HSD11B2: variants seen among roughly 807,000 people sequenced by gnomAD.
HSD11B2 encodes the protein hydroxysteroid 11-beta dehydrogenase 2.
In HSD11B2, 17 loss-of-function variants were observed where a neutral mutation model predicts 20.9. The ratio of observed to expected loss-of-function variants is 0.81; its 90% CI spans 0.56 to 1.22. The LOEUF is 1.22. Among genes scored for constraint, HSD11B2 ranks in the 50% most tolerant of loss-of-function variants. The pLI, the probability that HSD11B2 is intolerant of heterozygous loss-of-function variation, is 0.00. For synonymous variants in HSD11B2, 253 were observed against 255.4 expected (o/e 0.99, Z 0.09); for missense variants, 480 against 563.6 (o/e 0.85, Z 1.50).
intron 1 of HSD11B2, among the ~76,000 whole-genome samples, chr16:67,434,630 C>G (rs1443795623): frequency 1.3e-5 from 2 of 152,144 alleles, no homozygotes; most frequent in African/African-American, 4.8e-5. Context: ...TATCTTCAAT[C>G]CCAGCACTTT....
Position 67,436,040 on chromosome 16 carries a change from T to G in HSD11B2, c.562T>G (p.Cys188Gly), listed in dbSNP as rs774383256. ...GTCTCCAGTGGCCACTTTCCGTAGC[T>G]GCATGGAGGTGAATTTCTTTGGCGC... ...ELSPVATFRS[C>G]MEVNFFGALE... Residue 188 changes from cysteine to glycine, a missense_variant, in exon 3 of 5, where the codon TGC becomes GGC. Cys to Gly is a radical substitution (Grantham distance 159). This residue lies in a region of HSD11B2 where 374 missense variants were observed against 480.9 expected (regional missense o/e 0.78). Coordinates refer to ENST00000326152, the MANE Select transcript of HSD11B2 (RefSeq NM_000196.4). The surrounding 1 kb of genome is among the most constrained non-coding windows in gnomAD (Gnocchi z 5.7). 1 of 1,614,230 alleles carries G rather than the reference T, an allele frequency of 6.2e-7. No homozygotes were observed. Among genetic ancestry groups the G allele is most frequent in the Non-Finnish European group, 8.5e-7 (1 of 1,180,040 alleles).
Position 67,436,158 on chromosome 16 carries a change from C to CA in HSD11B2, c.664+17dup, listed in dbSNP as rs1567530511. ...AGCCCAGCGGGTGAGTGCCCCCCCC[C>CA]ACTGGAGCAAAAAGGAGCCCCCTGG... On this transcript the variant is annotated intron_variant, in intron 3 of 4. Transcript: ENST00000326152. The surrounding 1 kb of genome is among the most constrained non-coding windows in gnomAD (Gnocchi z 5.7). 6 of 1,613,578 alleles carry CA rather than the reference C, an allele frequency of 3.7e-6. No homozygotes were observed. The Middle Eastern group carries it at 5.0e-4, about 134-fold the overall frequency.
Position 67,435,570 on chromosome 16 carries a change from T to C in HSD11B2, c.266-58T>C, listed in dbSNP as rs773065505. 10 of 1,386,246 alleles carry C rather than the reference T, an allele frequency of 7.2e-6. No homozygotes were observed. In the South Asian group the frequency reaches 1.1e-4, roughly 15 times the overall value. 85.9% of individuals were successfully genotyped at this position (1,386,246 alleles called of 1,614,324 possible). A position where few individuals can be genotyped will look rare whatever the true frequency, so the allele number is the denominator to read the frequency against. On this transcript the variant is annotated intron_variant, in intron 1 of 4. Coordinates refer to ENST00000326152, the MANE Select transcript of HSD11B2 (RefSeq NM_000196.4). ...CATCCAGACCCTGGTGATTCTGGGG[T>C]TGTCTCAGGCTAGGCTGGGCCACAG...
intron 1 of HSD11B2, among the ~76,000 whole-genome samples, chr16:67,435,268 G>A (rs56065952): frequency 0.055 from 8,295 of 151,816 alleles, 680 homozygotes; most frequent in African/African-American, 0.18. Context: ...CCTGTGAGCT[G>A]TGGCCTGAAA....
intron 1 of HSD11B2, chr16:67,435,403 C>T (rs749463876): frequency 1.6e-6 from 1 of 639,322 alleles, no homozygotes; most frequent in Non-Finnish European, 2.8e-6. Context: ...GTGGGGTAGC[C>T]ACGGGGAGTC....
At position 67,436,882 on chromosome 16, in the gene HSD11B2, T is replaced by C. The variant is rs1480197458; in HGVS notation, c.1097T>C (p.Phe366Ser). The change falls in exon 5 of 5, where the codon TTC (phenylalanine) becomes TCC (serine). Residue 366 changes from phenylalanine to serine, a missense_variant. By Grantham distance (155) the Phe-to-Ser change is radical (BLOSUM62 -2). Around this residue, in one of 2 missense-constraint regions of HSD11B2, gnomAD observed 374 missense variants for 480.9 expected, o/e 0.78. Transcript: ENST00000326152. The surrounding 1 kb of genome is among the most constrained non-coding windows in gnomAD (Gnocchi z 5.7). ...EGLRRRFLQA[F>S]FISHCLPRAL... is the part of the protein sequence containing the mutation. The stretch of plus-strand genomic sequence containing the variant: ...CTGCGGCGCCGCTTCCTGCAGGCCT[T>C]CTTCATCAGTCACTGTCTGCCTCGA... 1.2e-6 allele frequency: 2 copies of C among 1,613,522 alleles called. No individual in the cohort carries two copies. The highest frequency in any genetic ancestry group is 2.2e-5 in the East Asian group (1 of 44,874).
Position 67,431,550 on chromosome 16 carries a change from C to T in HSD11B2, c.265+37C>T, listed in dbSNP as rs56106309. 8.5e-4 allele frequency: 1,124 copies of T among 1,327,544 alleles called. 6 individuals are homozygous for T. The African/African-American group carries it at 0.015, about 18-fold the overall frequency. 82.2% of individuals were successfully genotyped at this position (1,327,544 alleles called of 1,614,324 possible). On this transcript the variant is annotated intron_variant, in intron 1 of 4. Coordinates refer to ENST00000326152, the MANE Select transcript of HSD11B2 (RefSeq NM_000196.4). ...GGTCGCGGAGCGCGGGGACTCCAGGCTCGAGGGCGGGACTGGACACTCAAC... is the reference window on the plus strand; with the variant it reads ...GGTCGCGGAGCGCGGGGACTCCAGGTTCGAGGGCGGGACTGGACACTCAAC...
Position 67,435,830 on chromosome 16 carries a change from C to A in HSD11B2, c.468C>A (p.Thr156=), listed in dbSNP as rs5479. The A allele has an allele frequency of 0.051, 82,760 of 1,613,970 alleles. 3,250 individuals carry two copies. Among genetic ancestry groups the A allele is most frequent in the African/African-American group, 0.2 (14,639 of 74,980 alleles). ...TGCTAGAGTTCACCAAGGCCCACAC[C>A]ACCAGCACCGGTCAGTGGCAAGTGT... is the stretch of plus-strand genomic sequence containing the variant. ...SRVLEFTKAH[T]TSTGLWGLVN... is the part of the protein sequence containing the mutation. Residue 156 remains threonine (T), a synonymous_variant, in exon 2 of 5, where the codon ACC becomes ACA. Transcript: ENST00000326152.
chr16:67,435,531 AG>A (rs1411804528), intron 1 of HSD11B2, 96 bp from the exon 2 acceptor site: 1 of 936,910 alleles, frequency 1.1e-6, no homozygotes, highest in Non-Finnish European at 1.7e-6. Context: ...CTTGGTTTGC[AG>A]GGGCCTGGAT....
intron 1 of HSD11B2, among the ~76,000 whole-genome samples, chr16:67,434,735 AC>A (rs1172070405): frequency 1.3e-5 from 2 of 152,126 alleles, no homozygotes; most frequent in Non-Finnish European, 2.9e-5. Context: ...AAATTTAAAA[AC>A]CAGCCAGGTA....
Position 67,436,936 on chromosome 16 carries a change from C to T in HSD11B2, c.1151C>T (p.Thr384Ile), listed in dbSNP as rs770686470. 3.1e-6 allele frequency: 5 copies of T among 1,612,180 alleles called. No homozygotes were observed. In the Admixed American group the frequency reaches 6.7e-5, roughly 21 times the overall value. Residue 384 changes from threonine to isoleucine, a missense_variant, in exon 5 of 5, where the codon ACC (threonine) becomes ATC (isoleucine). Thr to Ile is a moderately conservative substitution (Grantham distance 89). Coordinates refer to ENST00000326152, the MANE Select transcript of HSD11B2 (RefSeq NM_000196.4). This position sits in a 1 kb window ranked among gnomAD's most constrained non-coding sequence, Gnocchi z 5.7. ...CTGCAGCCTGGCCAGCCTGGCACTA[C>T]CCCACCACAGGACGCAGCCCAGGAC... ...RALQPGQPGT[T>I]PPQDAAQDPN...
chr16:67,434,583 C>T (rs1398373962), intron 1 of HSD11B2, among the ~76,000 whole-genome samples: 1 of 152,106 alleles, frequency 6.6e-6, no homozygotes, highest in African/African-American at 2.4e-5. Context: ...GAGGCCTGGG[C>T]AGTCAGAAAG....
intron 1 of HSD11B2, among the ~76,000 whole-genome samples, chr16:67,435,255 G>C (rs2040961234): frequency 6.6e-6 from 1 of 151,468 alleles, no homozygotes; most frequent in South Asian, 2.1e-4. Context: ...TACTGTGCCT[G>C]TGCCTGTGAG....
chr16:67,434,897 T>G (rs1267093836), intron 1 of HSD11B2, among the ~76,000 whole-genome samples: 1 of 151,988 alleles, frequency 6.6e-6, no homozygotes, highest in Non-Finnish European at 1.5e-5. Flanking sequence ...CCTGTGGTGA[T>G]GCGCACCTGT....
chr16:67,435,629 C>T lies in HSD11B2; in HGVS notation c.267C>T (p.Gly89=). ...CACTGACTGCCCTGGCCTGGCCAGG[C>T]TGTGACTCTGGTTTTGGCAAGGAGA... ...PVATRAVLIT[G]CDSGFGKETA... is the part of the protein sequence containing the mutation. Residue 89 remains glycine, a splice_region_variant and synonymous_variant, in exon 2 of 5, where the codon GGC becomes GGT. Transcript: ENST00000326152. The T allele has an allele frequency of 6.2e-7, 1 of 1,612,920 alleles. No homozygotes were observed. The highest frequency in any genetic ancestry group is 8.5e-7 in the Non-Finnish European group (1 of 1,179,588).
intron 1 of HSD11B2, 144 bp from the exon 2 acceptor site, chr16:67,435,484 G>T (rs1449508741): frequency 2.8e-6 from 2 of 719,580 alleles, no homozygotes; most frequent in Non-Finnish European, 5.0e-6. Flanking sequence ...CCAGGGATGG[G>T]CCTAGGGAAG....
In HSD11B2 at chr16:67,436,509, C is replaced by A. The variant is rs2040974879; in HGVS notation, c.803-79C>A. 2 of 1,573,714 alleles carry A rather than the reference C, an allele frequency of 1.3e-6. No homozygotes were observed. Among genetic ancestry groups the A allele is most frequent in the South Asian group, 2.3e-5 (2 of 87,806 alleles). On this transcript the variant is annotated intron_variant, in intron 4 of 4. Transcript: ENST00000326152. The surrounding 1 kb of genome is among the most constrained non-coding windows in gnomAD (Gnocchi z 5.7). The stretch of plus-strand genomic sequence containing the variant: ...TTGGGGGTGTAGTTTTGGCTGCAGA[C>A]CTGGCGCGGGTTAAACAGTCCTAAT...
At position 67,437,119 on chromosome 16, in the gene HSD11B2, G is replaced by A. The variant is rs1160909721; in HGVS notation, c.*116G>A. On this transcript the variant is annotated 3_prime_UTR_variant, in exon 5 of 5. Transcript: ENST00000326152. Reference sequence around the variant, plus strand: ...CAAGTGTCCTGGACCCTGGCCTAAAGAATCCCACCCCCACTTCATGCCCAC... The same window carrying A: ...CAAGTGTCCTGGACCCTGGCCTAAAAAATCCCACCCCCACTTCATGCCCAC... 8.8e-7 allele frequency: 1 copy of A among 1,136,364 alleles called. No homozygotes were observed. The highest frequency in any genetic ancestry group is 2.3e-5 in the Admixed American group (1 of 44,156). 70.4% of individuals were successfully genotyped at this position (1,136,364 alleles called of 1,614,324 possible).
Position 67,435,608 on chromosome 16 carries a change from G to A in HSD11B2, c.266-20G>A. The A allele has an allele frequency of 6.2e-7, 1 of 1,604,532 alleles. No individual in the cohort carries two copies. The highest frequency in any genetic ancestry group is 8.5e-7 in the Non-Finnish European group (1 of 1,173,006). On this transcript the variant is annotated intron_variant, in intron 1 of 4. Transcript: ENST00000326152. ...GGCTGGGCCACAGTGGAAGTTCACT[G>A]ACTGCCCTGGCCTGGCCAGGCTGTG...
Sources: allele counts gnomAD v4.1 joint callset (sites outside exome capture counted in the v4.1 genomes callset), GRCh38; gene constraint gnomAD v4.1.1; regional missense constraint gnomAD v4.1.1; non-coding constraint Gnocchi (gnomAD v3.1); transcripts MANE v1.5; gene names NCBI Gene and HGNC (gene_info 2026-07-23, HGNC 2026-07-21).